The following SYNDIG1 variants were observed in gnomAD, a reference collection of about 807,000 sequenced individuals.
SYNDIG1 encodes the protein synapse differentiation-inducing gene protein 1.
Under a neutral mutation model 19.4 loss-of-function variants are expected in SYNDIG1, and 9 were observed. That is an observed-to-expected ratio of 0.46 (90% confidence interval 0.28 to 0.81). The LOEUF is 0.81. Among genes scored for constraint, SYNDIG1 ranks in the 30% least tolerant of loss-of-function variants. The pLI, the probability that SYNDIG1 is intolerant of heterozygous loss-of-function variation, is 0.12. For missense variants in SYNDIG1, 311 were observed against 343.3 expected (o/e 0.91, Z 0.74); for synonymous variants, 141 against 145.9 (o/e 0.97, Z 0.24).
intron 2 of SYNDIG1, among the ~76,000 whole-genome samples, chr20:24,580,871 T>G (rs2058310875): frequency 6.6e-6 from 1 of 152,202 alleles, no homozygotes; most frequent in Admixed American, 6.5e-5. Flanking sequence ...TCTTGGGGAC[T>G]GTGTAATGCT....
chr20:24,527,765 C>T lies in SYNDIG1; in HGVS notation c.-78-15255C>T, dbSNP rs568292234. ...GGTTCTCAGAGTGTGGTCCCTGGAT[C>T]AGCTGCAGCAGCGTCACCTATGAGC... On this transcript the variant is annotated intron_variant, in intron 1 of 3. Transcript: ENST00000376862. Among the ~76,000 whole-genome samples, 95 of 152,298 alleles carry T rather than the reference C, an allele frequency of 6.2e-4. 1 individual carries two copies. Among genetic ancestry groups the T allele is most frequent in the Admixed American group, 4.6e-3 (70 of 15,304 alleles).
chr20:24,493,986 C>T (rs557666082), intron 1 of SYNDIG1, among the ~76,000 whole-genome samples: 11 of 152,184 alleles, frequency 7.2e-5, no homozygotes, highest in Non-Finnish European at 1.6e-4. Context: ...GGGACAGAGC[C>T]GCGGATACTG....
intron 3 of SYNDIG1, among the ~76,000 whole-genome samples, chr20:24,603,393 A>G (rs922547490): frequency 2.0e-4 from 31 of 152,200 alleles, no homozygotes; most frequent in Admixed American, 4.6e-4. Flanking sequence ...GCCATTGAGC[A>G]GGGAGGTGAG....
intron 3 of SYNDIG1, among the ~76,000 whole-genome samples, chr20:24,644,878 T>C (rs987970091): frequency 1.3e-5 from 2 of 152,208 alleles, no homozygotes; most frequent in African/African-American, 4.8e-5. Flanking sequence ...CTAGGTACTG[T>C]TCTGAAGACT....
At chr20:24,579,256 C>T (rs1040043022) in intron 2 of SYNDIG1, among the ~76,000 whole-genome samples, 1 of 152,134 alleles carries the variant, frequency 6.6e-6, no homozygotes, top group Non-Finnish European at 1.5e-5. Flanking sequence ...GATGCTGGGC[C>T]CTTATCACAA....
chr20:24,615,985 C>T (rs985631784), intron 3 of SYNDIG1, among the ~76,000 whole-genome samples: 1 of 152,136 alleles, frequency 6.6e-6, no homozygotes, highest in Admixed American at 6.5e-5. Context: ...GGAGTGTAAG[C>T]AACACACGGC....
chr20:24,512,019 C>G (rs890682288), intron 1 of SYNDIG1, among the ~76,000 whole-genome samples: 1 of 150,114 alleles, frequency 6.7e-6, no homozygotes, highest in African/African-American at 2.5e-5. Context: ...TGGACCCTAA[C>G]AGCATCCAGT....
chr20:24,532,727 C>T (rs190770346), intron 1 of SYNDIG1, among the ~76,000 whole-genome samples: 1 of 152,346 alleles, frequency 6.6e-6, no homozygotes, highest in African/African-American at 2.4e-5. Flanking sequence ...CCATGCATGG[C>T]CCCACAGCCT....
At chr20:24,471,172 C>G (rs1253986511) in intron 1 of SYNDIG1, among the ~76,000 whole-genome samples, 3 of 152,054 alleles carry the variant, frequency 2.0e-5, no homozygotes, top group Admixed American at 6.6e-5. Flanking sequence ...CCAGAGCCGG[C>G]CAACTTCTCC....
intron 1 of SYNDIG1, among the ~76,000 whole-genome samples, chr20:24,535,995 G>A (rs2057354466): frequency 6.6e-6 from 1 of 152,146 alleles, no homozygotes; most frequent in South Asian, 2.1e-4. Flanking sequence ...GGATTCATTT[G>A]CGGCTGCTAT....
chr20:24,583,645 C>T (rs2058366400), intron 2 of SYNDIG1, among the ~76,000 whole-genome samples: 2 of 152,198 alleles, frequency 1.3e-5, no homozygotes, highest in African/African-American at 4.8e-5. Context: ...ACCCTCTGCA[C>T]AAACACCAAG....
chr20:24,544,167 T>C (rs548498900), intron 2 of SYNDIG1, among the ~76,000 whole-genome samples: 11 of 152,326 alleles, frequency 7.2e-5, no homozygotes, highest in South Asian at 6.2e-4. Flanking sequence ...TTGAATTACA[T>C]GCACAGAGAT....
At chr20:24,650,743 T>G (rs922302026) in intron 3 of SYNDIG1, among the ~76,000 whole-genome samples, 1 of 152,238 alleles carries the variant, frequency 6.6e-6, no homozygotes, top group Admixed American at 6.5e-5. Flanking sequence ...AAATGTGTGT[T>G]TCTTGAAAAT....
chr20:24,573,960 C>T (rs2058185890), intron 2 of SYNDIG1, among the ~76,000 whole-genome samples: 2 of 152,210 alleles, frequency 1.3e-5, no homozygotes, highest in African/African-American at 4.8e-5. Flanking sequence ...GAAGTCTGCC[C>T]TGCAAAGGGT....
At chr20:24,627,205 G>A (rs1040930870) in intron 3 of SYNDIG1, among the ~76,000 whole-genome samples, 1 of 151,822 alleles carries the variant, frequency 6.6e-6, no homozygotes, top group Non-Finnish European at 1.5e-5. Context: ...ACATTGAAAG[G>A]AGAATAAGAG....
At chr20:24,536,060 C>T (rs1401790884) in intron 1 of SYNDIG1, among the ~76,000 whole-genome samples, 2 of 152,158 alleles carry the variant, frequency 1.3e-5, no homozygotes, top group Non-Finnish European at 2.9e-5. Flanking sequence ...ATGAATTGTA[C>T]AGGATGCATC....
chr20:24,561,960 T>G (rs1305331664), intron 2 of SYNDIG1, among the ~76,000 whole-genome samples: 1 of 152,274 alleles, frequency 6.6e-6, no homozygotes, highest in Non-Finnish European at 1.5e-5. Context: ...AATAGAGAAA[T>G]GCATTTAGAT....
chr20:24,498,565 G>A (rs1175888832), intron 1 of SYNDIG1, among the ~76,000 whole-genome samples: 1 of 152,148 alleles, frequency 6.6e-6, no homozygotes, highest in Non-Finnish European at 1.5e-5. Flanking sequence ...GCTGCTGTGA[G>A]TTTAACTATG....
chr20:24,470,741 A>G (rs1217246293), intron 1 of SYNDIG1, among the ~76,000 whole-genome samples: 2 of 152,050 alleles, frequency 1.3e-5, no homozygotes, highest in Middle Eastern at 3.2e-3. Context: ...CTGAAAGACG[A>G]GAGGAAGGGG....
Sources: allele counts gnomAD v4.1 joint callset (sites outside exome capture counted in the v4.1 genomes callset), GRCh38; gene constraint gnomAD v4.1.1; transcripts MANE v1.5; gene names NCBI Gene and HGNC (gene_info 2026-07-23, HGNC 2026-07-21).